Variants in ANKRD28 observed in about 807,000 individuals in gnomAD.
ANKRD28 encodes the protein ankyrin repeat domain 28, also known as serine/threonine-protein phosphatase 6 regulatory ankyrin repeat subunit A.
A neutral mutation model predicts 126.5 loss-of-function variants in ANKRD28; 44 were observed. The ratio of observed to expected loss-of-function variants is 0.35; its 90% CI spans 0.27 to 0.45. The LOEUF (loss-of-function observed/expected upper bound fraction) is 0.45, where lower values mean the gene tolerates loss of function less well. Ranked by LOEUF, ANKRD28 falls within the 20% of genes least tolerant of loss-of-function variation. ANKRD28 has a pLI of 1.00. For missense variants in ANKRD28, 1,110 were observed against 1,316.6 expected, an observed-to-expected ratio of 0.84 and a Z score of 2.43; for synonymous variants, 442 against 468.5, an observed-to-expected ratio of 0.94 and a Z score of 0.73.
At chr3:15,811,561 T>C (rs1232282205) in intron 1 of ANKRD28, among the ~76,000 whole-genome samples, 1 of 152,034 alleles carries the variant, frequency 6.6e-6, no homozygotes, top group African/African-American at 2.4e-5. Flanking sequence ...TTCAAGCGAT[T>C]CTCCTGCCTC....
chr3:15,747,059 C>G (rs1049301787), intron 4 of ANKRD28, among the ~76,000 whole-genome samples: 1 of 151,644 alleles, frequency 6.6e-6, no homozygotes, highest in Non-Finnish European at 1.5e-5. Flanking sequence ...CATTTCATTT[C>G]TAATTGAGCT....
chr3:15,672,885 C>T (rs1395316363), intron 27 of ANKRD28, among the ~76,000 whole-genome samples: 3 of 152,248 alleles, frequency 2.0e-5, no homozygotes, highest in African/African-American at 7.2e-5. Context: ...AAGCGATTCT[C>T]TTGCCTCAGC....
At chr3:15,809,991 T>C (rs2060677162) in intron 1 of ANKRD28, among the ~76,000 whole-genome samples, 1 of 152,126 alleles carries the variant, frequency 6.6e-6, no homozygotes. Context: ...CCACAAAATG[T>C]ATAGGTTTGC....
chr3:15,767,293 C>A (rs879257895), intron 2 of ANKRD28, among the ~76,000 whole-genome samples: 10 of 152,204 alleles, frequency 6.6e-5, no homozygotes, highest in Admixed American at 1.3e-4. Context: ...CAGAGTATTA[C>A]TGACTTGGCT....
rs967215037 is a variant in ANKRD28, at chr3:15,844,000, T to C, written c.27+15377A>G. On this transcript the variant is annotated intron_variant, in intron 1 of 27. Transcript: ENST00000399451. This position sits in a 1 kb window ranked among gnomAD's most constrained non-coding sequence, Gnocchi z 5.2. ...ATGCAGGAACGAAAGCTGGGTAGGGTAGGTGATAGTTGAAGAAAAAGGGGA... is the reference window on the plus strand; with the variant it reads ...ATGCAGGAACGAAAGCTGGGTAGGGCAGGTGATAGTTGAAGAAAAAGGGGA... 2.0e-5 allele frequency among the ~76,000 whole-genome samples: 3 copies of C among 151,786 alleles called. No individual in the cohort carries two copies. The highest frequency in any genetic ancestry group is 7.3e-5 in the African/African-American group (3 of 41,302).
chr3:15,748,309 A>T (rs1168596213), intron 4 of ANKRD28, among the ~76,000 whole-genome samples: 3 of 152,126 alleles, frequency 2.0e-5, no homozygotes, highest in Non-Finnish European at 4.4e-5. Context: ...CGGTTTAAGG[A>T]GGTTCTATTT....
At chr3:15,801,021 T>G (rs1439330995), upstream of ANKRD28, among the ~76,000 whole-genome samples, 3 of 152,108 alleles carry the variant, frequency 2.0e-5, no homozygotes, top group African/African-American at 7.2e-5. The surrounding 1 kb of genome is among the most constrained non-coding windows in gnomAD (Gnocchi z 4.9). Flanking sequence ...TGATAAAGAT[T>G]GTGCAAACTG....
rs757750373 is a variant in ANKRD28 at position 15,685,380 on chromosome 3, C to T, written c.2235G>A (p.Arg745=). Residue 745 remains arginine, a synonymous_variant, in exon 21 of 28, where the codon CGG becomes CGA. Coordinates refer to ENST00000683139, the MANE Select transcript of ANKRD28 (RefSeq NM_001349278.2). Reference sequence around the variant, plus strand: ...GTATAGGCGTCCGGCCCCTGCTATCCCGAAGTAAGCACTTAGCACCATGTT... The same window carrying T: ...GTATAGGCGTCCGGCCCCTGCTATCTCGAAGTAAGCACTTAGCACCATGTT... ...LLQHGAKCLL[R]DSRGRTPIHL... 1.9e-6 allele frequency: 3 copies of T among 1,613,986 alleles called. No individual in the cohort carries two copies. The highest frequency in any genetic ancestry group is 2.2e-5 in the South Asian group (2 of 91,086).
chr3:15,813,425 C>G (rs2060766657), intron 1 of ANKRD28, among the ~76,000 whole-genome samples: 1 of 152,122 alleles, frequency 6.6e-6, no homozygotes, highest in African/African-American at 2.4e-5. Flanking sequence ...CAAATTATTA[C>G]AGAAACCCAG....
At chr3:15,776,789 G>A (rs1233000198) in intron 2 of ANKRD28, among the ~76,000 whole-genome samples, 2 of 152,044 alleles carry the variant, frequency 1.3e-5, no homozygotes, top group African/African-American at 4.8e-5. Context: ...AAAAGGAGGA[G>A]GAAAAAGTTG....
rs2057284431 is a variant in ANKRD28, at chr3:15,743,712, ATAG to A, written c.352-6482_352-6480del. 2.6e-5 allele frequency among the ~76,000 whole-genome samples: 4 copies of A among 152,322 alleles called. No homozygotes were observed. The South Asian group carries it at 8.3e-4, about 32-fold the overall frequency. ...TCTTAAAGAATGACAGTCATAAATC[ATAG>A]TAGTAGAGACAGATTGAGATAGCCA... On this transcript the variant is annotated intron_variant, in intron 4 of 27. Coordinates refer to ENST00000683139, the MANE Select transcript of ANKRD28 (RefSeq NM_001349278.2).
chr3:15,813,056 T>C (rs2060752858), intron 1 of ANKRD28, among the ~76,000 whole-genome samples: 2 of 151,960 alleles, frequency 1.3e-5, no homozygotes, highest in Admixed American at 1.3e-4. Context: ...CCTTTTTTTT[T>C]TTTTTTTTTA....
At chr3:15,741,653 A>T (rs953446126) in intron 4 of ANKRD28, among the ~76,000 whole-genome samples, 13 of 135,760 alleles carry the variant, frequency 9.6e-5, no homozygotes, top group Non-Finnish European at 1.7e-4. Flanking sequence ...TGGGGTCAGT[A>T]TAGAAGAGGC....
intron 14 of ANKRD28, among the ~76,000 whole-genome samples, chr3:15,707,312 ATAT>A (rs2126020630): frequency 6.6e-6 from 1 of 152,328 alleles, no homozygotes; most frequent in East Asian, 1.9e-4. Flanking sequence ...CTTTAGGTGA[ATAT>A]TATTATACTT....
At chr3:15,746,561 A>G (rs1392439586) in intron 4 of ANKRD28, among the ~76,000 whole-genome samples, 1 of 152,062 alleles carries the variant, frequency 6.6e-6, no homozygotes, top group Non-Finnish European at 1.5e-5. Flanking sequence ...CTGGTATGAA[A>G]CCCACCTGAT....
Position 15,839,333 on chromosome 3 carries a change from C to T in ANKRD28, c.27+20044G>A, listed in dbSNP as rs1428804245. On this transcript the variant is annotated intron_variant, in intron 1 of 27. Transcript: ENST00000399451. The surrounding 1 kb of genome is among the most constrained non-coding windows in gnomAD (Gnocchi z 4.3). Reference sequence around the variant, plus strand: ...AGCTCTTTTAATCCAACTTAAAAGGCTGATCAGCTGTTCAGGACCTTAGCT... The same window carrying T: ...AGCTCTTTTAATCCAACTTAAAAGGTTGATCAGCTGTTCAGGACCTTAGCT... 1.3e-5 allele frequency among the ~76,000 whole-genome samples: 2 copies of T among 151,672 alleles called. No homozygotes were observed. The highest frequency in any genetic ancestry group is 2.9e-5 in the Non-Finnish European group (2 of 67,958).
chr3:15,730,669 G>A (rs1435108612), intron 6 of ANKRD28, among the ~76,000 whole-genome samples: 1 of 152,188 alleles, frequency 6.6e-6, no homozygotes, highest in African/African-American at 2.4e-5. Context: ...TGGCTGAACA[G>A]TTTTAGAAGC....
chr3:15,690,732 TTTTTC>T (rs1232545833), intron 17 of ANKRD28, among the ~76,000 whole-genome samples: 3 of 152,090 alleles, frequency 2.0e-5, no homozygotes, highest in Non-Finnish European at 4.4e-5. Context: ...GCCCAGCTAA[TTTTTC>T]TTTTAATTTT....
Position 15,768,098 on chromosome 3 carries a change from A to G in ANKRD28, c.202-1786T>C, listed in dbSNP as rs76151803. ...AAGAGCTGCCTTACTAGCTTGGATC[A>G]CTGACTTTCATGCTATTAAGATAAA... On this transcript the variant is annotated intron_variant, in intron 2 of 27. Coordinates refer to ENST00000683139, the MANE Select transcript of ANKRD28 (RefSeq NM_001349278.2). Among the ~76,000 whole-genome samples, 11 of 152,264 alleles carry G rather than the reference A, an allele frequency of 7.2e-5. No homozygotes were observed. The East Asian group carries it at 2.1e-3, about 29-fold the overall frequency.
Sources: allele counts gnomAD v4.1 joint callset (sites outside exome capture counted in the v4.1 genomes callset), GRCh38; gene constraint gnomAD v4.1.1; non-coding constraint Gnocchi (gnomAD v3.1); transcripts MANE v1.5; gene names NCBI Gene and HGNC (gene_info 2026-07-23, HGNC 2026-07-21).